Variants in RSRC1 observed in about 807,000 individuals in gnomAD.
The protein encoded by RSRC1 is serine/Arginine-related protein 53.
RSRC1 carries 39 observed loss-of-function variants against 49.1 expected under a neutral mutation model. That is an observed-to-expected ratio of 0.79 (90% CI 0.61 to 1.04). The LOEUF (loss-of-function observed/expected upper bound fraction) is 1.04, where lower values mean the gene tolerates loss of function less well. Among genes scored for constraint, RSRC1 ranks in the 50% least tolerant of loss-of-function variants. RSRC1 has a pLI of 0.00. For synonymous variants in RSRC1, 143 were observed against 130.8 expected, an observed-to-expected ratio of 1.09 and a Z score of -0.63; for missense variants, 388 against 402.4, an observed-to-expected ratio of 0.96 and a Z score of 0.31.
At chr3:158,478,531 T>A (rs1474288433) in intron 7 of RSRC1, among the ~76,000 whole-genome samples, 1 of 143,224 alleles carries the variant, frequency 7.0e-6, no homozygotes, top group Non-Finnish European at 1.6e-5. Context: ...CCAAATTAAG[T>A]TATAGTTTTG....
chr3:158,516,450 C>G (rs1010066014), intron 7 of RSRC1, among the ~76,000 whole-genome samples: 35 of 152,288 alleles, frequency 2.3e-4, no homozygotes, highest in African/African-American at 7.9e-4. Flanking sequence ...GGCAGTCTGC[C>G]TGTTCTCAGA....
At chr3:158,137,289 G>C (rs962248966) in intron 3 of RSRC1, among the ~76,000 whole-genome samples, 4 of 151,798 alleles carry the variant, frequency 2.6e-5, no homozygotes, top group African/African-American at 9.7e-5. Context: ...TCTGAATATG[G>C]CAAAAAGTGA....
At chr3:158,121,318 G>T (rs933131854) in intron 1 of RSRC1, among the ~76,000 whole-genome samples, 2 of 151,982 alleles carry the variant, frequency 1.3e-5, no homozygotes, top group Non-Finnish European at 2.9e-5. Context: ...ATATGTTTGT[G>T]TGTAATATAC....
At chr3:158,178,167 G>C (rs759700183) in intron 3 of RSRC1, among the ~76,000 whole-genome samples, 2 of 152,072 alleles carry the variant, frequency 1.3e-5, no homozygotes, top group South Asian at 2.1e-4. Context: ...CTGTTGCCCA[G>C]ACTGGAGTGC....
At chr3:158,159,162 A>T (rs1718060044) in intron 3 of RSRC1, among the ~76,000 whole-genome samples, 1 of 152,046 alleles carries the variant, frequency 6.6e-6, no homozygotes, top group Non-Finnish European at 1.5e-5. Context: ...TCAGAGACTG[A>T]CTGTCTTAAG....
intron 7 of RSRC1, among the ~76,000 whole-genome samples, chr3:158,509,495 A>C (rs1740037956): frequency 6.6e-6 from 1 of 152,198 alleles, no homozygotes; most frequent in African/African-American, 2.4e-5. Flanking sequence ...TACCAATAAT[A>C]TAACATTTAC....
chr3:158,394,703 G>A (rs889742657), intron 6 of RSRC1, among the ~76,000 whole-genome samples: 1 of 151,980 alleles, frequency 6.6e-6, no homozygotes, highest in Non-Finnish European at 1.5e-5. Flanking sequence ...ACAAACAAAT[G>A]GAAGAACATT....
At chr3:158,462,430 C>T (rs76182200) in intron 7 of RSRC1, among the ~76,000 whole-genome samples, 8,133 of 151,878 alleles carry the variant, frequency 0.054, 317 homozygotes, top group South Asian at 0.1. Context: ...CCGTAAATCA[C>T]GTGTATAGTA....
intron 7 of RSRC1, among the ~76,000 whole-genome samples, chr3:158,529,214 G>GTATATATATATATA (rs10596761): frequency 1.4e-5 from 2 of 143,122 alleles, no homozygotes; most frequent in African/African-American, 5.3e-5. Context: ...ATGTGTGTGT[G>GTATATATATATATA]TATATATATA....
intron 1 of RSRC1, among the ~76,000 whole-genome samples, chr3:158,111,209 G>T (rs1220126108): frequency 1.3e-5 from 2 of 152,160 alleles, no homozygotes; most frequent in South Asian, 2.1e-4. Flanking sequence ...GGGAAACTAG[G>T]TATCCTTTAA....
intron 6 of RSRC1, among the ~76,000 whole-genome samples, chr3:158,375,071 T>G (rs1205867307): frequency 1.3e-5 from 2 of 151,746 alleles, no homozygotes; most frequent in East Asian, 3.8e-4. Flanking sequence ...AAAATTGTTT[T>G]AAAAAGAGGA....
At chr3:158,225,089 A>G (rs932745732) in intron 4 of RSRC1, among the ~76,000 whole-genome samples, 2 of 151,780 alleles carry the variant, frequency 1.3e-5, no homozygotes, top group Non-Finnish European at 2.9e-5. Flanking sequence ...AATGATACTG[A>G]GTTTCCTCTG....
chr3:158,331,931 A>G lies in RSRC1; in HGVS notation c.532-22926A>G, dbSNP rs907843021. On this transcript the variant is annotated intron_variant, in intron 5 of 9. Transcript: ENST00000611884. ...TTATTTAGTTGCTCTTTCATAATAT[A>G]TATCTTTTAAAGTATACAAAGCAGT... Among the ~76,000 whole-genome samples the G allele has an allele frequency of 2.6e-5, 4 of 151,458 alleles. No individual in the cohort carries two copies. In the East Asian group the frequency reaches 5.8e-4, roughly 22 times the overall value.
chr3:158,524,732 C>T (rs1191560589), intron 7 of RSRC1, among the ~76,000 whole-genome samples: 2 of 151,942 alleles, frequency 1.3e-5, no homozygotes, highest in Non-Finnish European at 2.9e-5. Flanking sequence ...AGAGACCTTG[C>T]TCAACCCTCA....
intron 7 of RSRC1, among the ~76,000 whole-genome samples, chr3:158,477,254 G>C (rs533530753): frequency 6.6e-6 from 1 of 151,974 alleles, no homozygotes; most frequent in Non-Finnish European, 1.5e-5. Context: ...CAGTGGCAGG[G>C]TTTAAGATTG....
chr3:158,289,519 T>C (rs1484005128), intron 4 of RSRC1, among the ~76,000 whole-genome samples: 2 of 152,246 alleles, frequency 1.3e-5, no homozygotes, highest in African/African-American at 4.8e-5. Flanking sequence ...GCAAATGATT[T>C]ATAAGTTCTA....
chr3:158,467,778 C>T (rs559237995), intron 7 of RSRC1, among the ~76,000 whole-genome samples: 19 of 152,234 alleles, frequency 1.2e-4, no homozygotes, highest in African/African-American at 4.6e-4. Context: ...ACTAGATTGA[C>T]GTTATTGAAA....
At chr3:158,140,485 A>G (rs1716680141) in intron 3 of RSRC1, among the ~76,000 whole-genome samples, 1 of 152,232 alleles carries the variant, frequency 6.6e-6, no homozygotes, top group African/African-American at 2.4e-5. Flanking sequence ...CTGTTCAGGA[A>G]ACAGTATATA....
At position 158,151,651 on chromosome 3, in the gene RSRC1, C is replaced by T. The variant is rs117666292; in HGVS notation, c.320+27660C>T. Among the ~76,000 whole-genome samples the T allele has an allele frequency of 3.3e-4, 50 of 152,224 alleles. No homozygotes were observed. In the East Asian group the frequency reaches 8.7e-3, roughly 26 times the overall value. ...ACTAGGTGGTAGGTCCTGTGCTGCG[C>T]GGTGTGAATGCAGAACCAGTATTCT... On this transcript the variant is annotated intron_variant, in intron 3 of 9. Transcript: ENST00000611884.
Sources: allele counts gnomAD v4.1 joint callset (sites outside exome capture counted in the v4.1 genomes callset), GRCh38; gene constraint gnomAD v4.1.1; transcripts MANE v1.5; gene names NCBI Gene and HGNC (gene_info 2026-07-23, HGNC 2026-07-21).